The following IL21 variants were observed in gnomAD, a reference collection of about 807,000 sequenced individuals.
IL21 encodes interleukin 21.
A neutral mutation model predicts 18.4 loss-of-function variants in IL21; 3 were observed. The observed-to-expected ratio is 0.16, with a 90% CI of 0.07 to 0.42. IL21 has a LOEUF of 0.42. Ranked by LOEUF, IL21 falls within the 10% of genes least tolerant of loss-of-function variation. IL21 has a pLI of 0.99. For missense variants in IL21, 130 were observed against 188.4 expected (o/e 0.69, Z 1.81); for synonymous variants, 37 against 62.0 (o/e 0.60, Z 1.90).
In IL21 at chr4:122,611,936, C is replaced by A. The variant is rs1799267502; in HGVS notation, c.*774G>T. Among the ~76,000 whole-genome samples, 1 of 152,062 alleles carries A rather than the reference C, an allele frequency of 6.6e-6. No individual in the cohort carries two copies. Among genetic ancestry groups the A allele is most frequent in the Admixed American group, 6.6e-5 (1 of 15,264 alleles). The stretch of plus-strand genomic sequence containing the variant: ...TAAAACTATGTTTGGTTCCAGAAGA[C>A]AACCTGGCATATGTCCCTCTATAGG... On this transcript the variant is annotated 3_prime_UTR_variant, in exon 5 of 5. Coordinates refer to ENST00000648588, the MANE Select transcript of IL21 (RefSeq NM_021803.4).
chr4:122,613,311 A>G (rs914156434), intron 3 of IL21, among the ~76,000 whole-genome samples: 1 of 144,276 alleles, frequency 6.9e-6, no homozygotes, highest in African/African-American at 2.6e-5. Context: ...ATAGGATGCA[A>G]CTCTTACTAT....
At chr4:122,613,058 T>C in intron 3 of IL21, 130 bp from the exon 4 acceptor site, 1 of 605,550 alleles carries the variant, frequency 1.7e-6, no homozygotes, top group Non-Finnish European at 2.8e-6. Context: ...CATAAAACTG[T>C]TTGGAAAGTA....
intron 3 of IL21, 50 bp from the exon 4 acceptor site, chr4:122,612,978 TA>T (rs751826389): frequency 2.8e-5 from 34 of 1,214,510 alleles, no homozygotes; most frequent in Middle Eastern, 2.7e-4. Flanking sequence ...TTTTTCGTAA[TA>T]AAATGTTTCT....
At chr4:122,619,847 C>T (rs1207894916) in intron 2 of IL21, 1 of 152,186 alleles carries the variant, frequency 6.6e-6, no homozygotes, top group African/African-American at 2.4e-5. Context: ...TGCAATGTAT[C>T]TTCTTAAGTC....
chr4:122,613,008 A>G, intron 3 of IL21, 80 bp from the exon 4 acceptor site: 1 of 832,900 alleles, frequency 1.2e-6, no homozygotes, highest in South Asian at 1.8e-5. Context: ...TTTTTCATTA[A>G]AAACATAAAT....
chr4:122,620,792 A>G (rs1417333471), intron 1 of IL21, 52 bp downstream of exon 1: 9 of 1,610,910 alleles, frequency 5.6e-6, no homozygotes, highest in South Asian at 4.4e-5. Context: ...CCCTCCTTTT[A>G]TATTAATTGA....
chr4:122,620,600 A>G, intron 2 of IL21, 101 bp downstream of exon 2: 1 of 992,872 alleles, frequency 1.0e-6, no homozygotes. Flanking sequence ...TAAGTTCATT[A>G]AAATTCAGTA....
intron 2 of IL21, among the ~76,000 whole-genome samples, chr4:122,616,653 A>G (rs963082048): frequency 3.3e-5 from 5 of 152,224 alleles, no homozygotes; most frequent in Non-Finnish European, 7.3e-5. Context: ...ATAAGCATCA[A>G]ACACTTATCT....
Position 122,611,202 on chromosome 4 carries a change from A to G in IL21, c.*1508T>C, listed in dbSNP as rs1799259703. ...AGGCACATTTTAGATATATATTATC[A>G]TCATCAGGCACATAATTCCTTTGTC... is the stretch of plus-strand genomic sequence containing the variant. On this transcript the variant is annotated 3_prime_UTR_variant, in exon 5 of 5. Coordinates refer to ENST00000648588, the MANE Select transcript of IL21 (RefSeq NM_021803.4). Among the ~76,000 whole-genome samples, 1 of 152,214 alleles carries G rather than the reference A, an allele frequency of 6.6e-6. No individual in the cohort carries two copies. Among genetic ancestry groups the G allele is most frequent in the African/African-American group, 2.4e-5 (1 of 41,446 alleles).
At chr4:122,618,050 AC>A (rs1333721828) in intron 2 of IL21, among the ~76,000 whole-genome samples, 5 of 152,154 alleles carry the variant, frequency 3.3e-5, no homozygotes, top group Admixed American at 3.3e-4. Flanking sequence ...GTGACAACAG[AC>A]TCCAAAGGCA....
chr4:122,615,723 G>T lies in IL21; in HGVS notation c.319C>A (p.Pro107Thr), dbSNP rs1351594510. 1 of 1,613,556 alleles carries T rather than the reference G, an allele frequency of 6.2e-7. No individual in the cohort carries two copies. Among genetic ancestry groups the T allele is most frequent in the Admixed American group, 1.7e-5 (1 of 59,984 alleles). ...CTTCTCCCTGCATTTGTGGAAGGTG[G>T]TTTCCTCTTCAGCTTTTTAATTGAT... is the stretch of plus-strand genomic sequence containing the variant. ...NVSIKKLKRK[P>T]PSTNAGRRQK... Residue 107 changes from proline (P) to threonine (T), a missense_variant, in exon 3 of 5, where the codon CCA (proline) becomes ACA (threonine). Pro to Thr is a conservative substitution (Grantham distance 38). Coordinates refer to ENST00000648588, the MANE Select transcript of IL21 (RefSeq NM_021803.4).
At chr4:122,614,782 T>C (rs1465162702) in intron 3 of IL21, among the ~76,000 whole-genome samples, 1 of 152,186 alleles carries the variant, frequency 6.6e-6, no homozygotes, top group Non-Finnish European at 1.5e-5. Context: ...TTACTCATGT[T>C]CTTGGGTATC....
chr4:122,616,996 G>C (rs1799346036), intron 2 of IL21, among the ~76,000 whole-genome samples: 2 of 152,126 alleles, frequency 1.3e-5, no homozygotes, highest in Non-Finnish European at 2.9e-5. Flanking sequence ...TCTTCTTATG[G>C]ACAATCAGCT....
intron 3 of IL21, among the ~76,000 whole-genome samples, chr4:122,614,901 A>G (rs1799315806): frequency 6.6e-6 from 1 of 152,162 alleles, no homozygotes; most frequent in South Asian, 2.1e-4. Flanking sequence ...TCAATTCAAT[A>G]CTGACTCTGC....
At chr4:122,620,558 A>G (rs1799411738) in intron 2 of IL21, 143 bp downstream of exon 2, 2 of 714,018 alleles carry the variant, frequency 2.8e-6, no homozygotes, top group Non-Finnish European at 2.3e-6. Context: ...TAACCAAAAT[A>G]TAAATAAATA....
rs1799273055 is a variant in IL21 at position 122,612,327 on chromosome 4, ATCAGC to A, written c.*378_*382del. ...TATTTTGCTTCTATGCTTCTATATT[ATCAGC>A]TGGAATGAAGGTATATATGTTTTAA... On this transcript the variant is annotated 3_prime_UTR_variant, in exon 5 of 5. Transcript: ENST00000648588. Among the ~76,000 whole-genome samples the A allele has an allele frequency of 6.6e-6, 1 of 152,048 alleles. No individual in the cohort carries two copies. Among genetic ancestry groups the A allele is most frequent in the Non-Finnish European group, 1.5e-5 (1 of 67,964 alleles).
At position 122,618,831 on chromosome 4, in the gene IL21, A is replaced by AT. The variant is rs1335893314; in HGVS notation, c.204+1869_204+1870insA. On this transcript the variant is annotated intron_variant, in intron 2 of 4. Coordinates refer to ENST00000648588, the MANE Select transcript of IL21 (RefSeq NM_021803.4). ...AAAAAAAAAAAAAAAAAAAAAAAAA[A>AT]GGATTACCTTTGTCCTACACACAAA... 2.4e-4 allele frequency among the ~76,000 whole-genome samples: 36 copies of AT among 149,600 alleles called. 1 individual carries two copies. The highest frequency in any genetic ancestry group is 2.1e-4 in the Non-Finnish European group (14 of 67,556).
At chr4:122,614,074 G>A (rs1799302414) in intron 3 of IL21, among the ~76,000 whole-genome samples, 1 of 152,254 alleles carries the variant, frequency 6.6e-6, no homozygotes, top group East Asian at 1.9e-4. Flanking sequence ...TGTAGTGAGA[G>A]CATTTCACTA....
chr4:122,619,263 A>G (rs1208141996), intron 2 of IL21: 3 of 152,318 alleles, frequency 2.0e-5, no homozygotes, highest in Middle Eastern at 3.4e-3. Flanking sequence ...ATATAATGCT[A>G]ATGTGACCTT....
Sources: allele counts gnomAD v4.1 joint callset (sites outside exome capture counted in the v4.1 genomes callset), GRCh38; gene constraint gnomAD v4.1.1; transcripts MANE v1.5; gene names NCBI Gene and HGNC (gene_info 2026-07-23, HGNC 2026-07-21).